The following CSMD1 variants were observed in gnomAD, a reference collection of about 807,000 sequenced individuals.
CSMD1 encodes the protein CUB and sushi domain-containing protein 1.
A neutral mutation model predicts 417.5 loss-of-function variants in CSMD1; 213 were observed. The ratio of observed to expected loss-of-function variants is 0.51; its 90% CI spans 0.46 to 0.57. CSMD1 has a LOEUF of 0.57. Among genes scored for constraint, CSMD1 ranks in the 20% least tolerant of loss-of-function variants. The probability of loss-of-function intolerance (pLI) is 0.00; values close to 1 mark genes in which losing one functional copy is unlikely to be tolerated. For synonymous variants in CSMD1, 2,862 were observed against 1,736.8 expected (o/e 1.65, Z -16.11); for missense variants, 6,923 against 4,529.7 (o/e 1.53, Z -15.17).
chr8:4,416,045 G>T (rs1796919604), intron 3 of CSMD1, among the ~76,000 whole-genome samples: 1 of 152,040 alleles, frequency 6.6e-6, no homozygotes, highest in Admixed American at 6.6e-5. Flanking sequence ...GACAATTTCC[G>T]TGAAGATTTC....
At chr8:2,983,194 T>C (rs999135515) in intron 54 of CSMD1, among the ~76,000 whole-genome samples, 1 of 152,012 alleles carries the variant, frequency 6.6e-6, no homozygotes, top group African/African-American at 2.4e-5. Context: ...CATACATATA[T>C]ATTTTTTTTT....
chr8:4,792,192 A>C (rs1797728479), intron 1 of CSMD1, among the ~76,000 whole-genome samples: 1 of 152,128 alleles, frequency 6.6e-6, no homozygotes, highest in African/African-American at 2.4e-5. Flanking sequence ...TTATGAAATA[A>C]ACACAATTAG....
At chr8:4,286,231 C>A (rs1459049341) in intron 3 of CSMD1, among the ~76,000 whole-genome samples, 1 of 152,164 alleles carries the variant, frequency 6.6e-6, no homozygotes, top group Non-Finnish European at 1.5e-5. Context: ...TCTTGCCAAG[C>A]TCCATTGCGT....
chr8:3,067,506 A>G (rs1585266131), intron 49 of CSMD1, among the ~76,000 whole-genome samples: 1 of 152,174 alleles, frequency 6.6e-6, no homozygotes, highest in South Asian at 2.1e-4. Context: ...GACATTTAAC[A>G]GTAAACTGAG....
At chr8:3,922,150 G>A (rs1029572499) in intron 5 of CSMD1, among the ~76,000 whole-genome samples, 13 of 151,494 alleles carry the variant, frequency 8.6e-5, no homozygotes, top group South Asian at 4.2e-4. Context: ...TCATGTTTCC[G>A]TTTTTGCCTA....
intron 7 of CSMD1, among the ~76,000 whole-genome samples, chr8:3,671,487 ATATATG>A (rs1444937144): frequency 1.2e-4 from 3 of 24,304 alleles, no homozygotes; most frequent in Non-Finnish European, 2.2e-4. Flanking sequence ...ATATACTCAT[ATATATG>A]ATCATATATA....
intron 5 of CSMD1, among the ~76,000 whole-genome samples, chr8:3,975,487 C>T (rs1327302592): frequency 6.6e-6 from 1 of 152,128 alleles, no homozygotes; most frequent in African/African-American, 2.4e-5. Context: ...GTGACACTGT[C>T]TCCATCAAGT....
intron 3 of CSMD1, among the ~76,000 whole-genome samples, chr8:4,182,046 GTGTGTGT>G (rs1563234681): frequency 1.3e-4 from 19 of 146,074 alleles, no homozygotes; most frequent in African/African-American, 4.9e-4. Flanking sequence ...GTGTGTGTCG[GTGTGTGT>G]GTGTGTGTAT....
At chr8:4,441,658 A>AT (rs1008281384) in intron 2 of CSMD1, among the ~76,000 whole-genome samples, 10 of 152,072 alleles carry the variant, frequency 6.6e-5, no homozygotes, top group Non-Finnish European at 1.2e-4. Context: ...GAAAAGTCAC[A>AT]TTTTTTTCTA....
intron 10 of CSMD1, among the ~76,000 whole-genome samples, chr8:3,526,759 C>T (rs1797770195): frequency 6.6e-6 from 1 of 152,166 alleles, no homozygotes; most frequent in South Asian, 2.1e-4. Context: ...ATTCAGTTTC[C>T]CTTCCTGTAA....
intron 3 of CSMD1, among the ~76,000 whole-genome samples, chr8:4,385,889 A>G (rs1584994248): frequency 2.0e-5 from 3 of 152,196 alleles, no homozygotes; most frequent in Non-Finnish European, 2.9e-5. Flanking sequence ...TAATGCCAGA[A>G]TTTTCTCAGA....
chr8:4,672,505 T>G (rs1805392529), intron 1 of CSMD1, among the ~76,000 whole-genome samples: 1 of 152,140 alleles, frequency 6.6e-6, no homozygotes, highest in Admixed American at 6.5e-5. Flanking sequence ...GAAAAAAAGC[T>G]TTAATAAGGA....
At chr8:3,001,843 G>C (rs1361069821) in intron 52 of CSMD1, among the ~76,000 whole-genome samples, 2 of 152,140 alleles carry the variant, frequency 1.3e-5, no homozygotes, top group South Asian at 2.1e-4. Context: ...ACCCAGATTT[G>C]AGAAATTACA....
intron 8 of CSMD1, among the ~76,000 whole-genome samples, chr8:3,599,331 C>A (rs545967098): frequency 2.6e-5 from 4 of 152,124 alleles, no homozygotes; most frequent in African/African-American, 9.7e-5. Flanking sequence ...ACCCTCTTAG[C>A]AAATTCTCAG....
intron 17 of CSMD1, among the ~76,000 whole-genome samples, chr8:3,390,313 C>T (rs531089967): frequency 7.4e-6 from 1 of 135,504 alleles, no homozygotes; most frequent in African/African-American, 2.8e-5. Context: ...CAAGGTTGTG[C>T]CGTTGCATTC....
intron 21 of CSMD1, among the ~76,000 whole-genome samples, chr8:3,357,040 A>T (rs1808842162): frequency 6.7e-6 from 1 of 150,254 alleles, no homozygotes; most frequent in South Asian, 2.1e-4. Flanking sequence ...TTCTGGAGTG[A>T]GGTGGGGCTA....
chr8:4,199,343 C>T (rs1432687059), intron 3 of CSMD1, among the ~76,000 whole-genome samples: 1 of 152,226 alleles, frequency 6.6e-6, no homozygotes, highest in South Asian at 2.1e-4. Context: ...CTGAAGTCTA[C>T]CTCTAAAGCA....
rs536079060 is a variant in CSMD1 at position 4,993,311 on chromosome 8, G to T, written c.85+1021C>A. Among the ~76,000 whole-genome samples, 19 of 149,520 alleles carry T rather than the reference G, an allele frequency of 1.3e-4. No individual in the cohort carries two copies. In the East Asian group the frequency reaches 3.7e-3, roughly 29 times the overall value. ...ATCTATGGAAGTGCTGACTGATAAA[G>T]AAAGCATCTAAGGAGGCTAAAAATG... On this transcript the variant is annotated intron_variant, in intron 1 of 69. Coordinates refer to ENST00000635120, the MANE Select transcript of CSMD1 (RefSeq NM_033225.6).
chr8:3,548,043 C>G (rs527579642), intron 10 of CSMD1, among the ~76,000 whole-genome samples: 1 of 152,212 alleles, frequency 6.6e-6, no homozygotes, highest in South Asian at 2.1e-4. Flanking sequence ...GGGGTAACCA[C>G]CCCATGAAAG....
Sources: allele counts gnomAD v4.1 joint callset (sites outside exome capture counted in the v4.1 genomes callset), GRCh38; gene constraint gnomAD v4.1.1; transcripts MANE v1.5; gene names NCBI Gene and HGNC (gene_info 2026-07-23, HGNC 2026-07-21).